The following PDGFC variants were observed in gnomAD, a reference collection of about 807,000 sequenced individuals.
PDGFC encodes the protein platelet derived growth factor C.
In PDGFC, 12 loss-of-function variants were observed where a neutral mutation model predicts 35.5. The ratio of observed to expected loss-of-function variants is 0.34; its 90% CI spans 0.22 to 0.55. PDGFC has a LOEUF of 0.55. PDGFC is among the 20% of genes least tolerant of loss of function. The pLI is 0.91. For synonymous variants in PDGFC, 159 were observed against 148.8 expected, an observed-to-expected ratio of 1.07 and a Z score of -0.50; for missense variants, 322 against 412.4, an observed-to-expected ratio of 0.78 and a Z score of 1.90.
At chr4:156,954,240 T>G (rs1008949043) in intron 1 of PDGFC, among the ~76,000 whole-genome samples, 1 of 151,992 alleles carries the variant, frequency 6.6e-6, no homozygotes, top group African/African-American at 2.4e-5. Context: ...ATGCCAGAAC[T>G]AAGGACTATT....
intron 1 of PDGFC, among the ~76,000 whole-genome samples, chr4:156,957,562 GGGAT>G (rs1257455223): frequency 6.6e-6 from 1 of 151,692 alleles, no homozygotes; most frequent in Non-Finnish European, 1.5e-5. Context: ...TCCTCTTCAG[GGGAT>G]TTCTTCCTGT....
At chr4:156,883,421 T>A (rs1730294864) in intron 1 of PDGFC, among the ~76,000 whole-genome samples, 1 of 152,198 alleles carries the variant, frequency 6.6e-6, no homozygotes, top group African/African-American at 2.4e-5. Flanking sequence ...AGTGTACAAC[T>A]CATCACAGCC....
At chr4:156,798,439 CAGTGAATGGCA>C (rs914331714) in intron 3 of PDGFC, among the ~76,000 whole-genome samples, 30 of 152,102 alleles carry the variant, frequency 2.0e-4, no homozygotes, top group African/African-American at 7.0e-4. Flanking sequence ...GTAGAGGAAA[CAGTGAATGGCA>C]AGTGAACCTC....
intron 2 of PDGFC, among the ~76,000 whole-genome samples, chr4:156,837,407 T>G (rs1045243609): frequency 2.0e-5 from 3 of 152,080 alleles, no homozygotes; most frequent in Non-Finnish European, 4.4e-5. Flanking sequence ...CTAATTTGTG[T>G]TCTATTGCCA....
chr4:156,897,493 C>T (rs771376001), intron 1 of PDGFC, among the ~76,000 whole-genome samples: 4 of 152,004 alleles, frequency 2.6e-5, no homozygotes, highest in Non-Finnish European at 5.9e-5. Flanking sequence ...TCATGTGATT[C>T]TTTGCTCACA....
chr4:156,766,575 C>G (rs1730535636), intron 5 of PDGFC, among the ~76,000 whole-genome samples: 1 of 152,170 alleles, frequency 6.6e-6, no homozygotes, highest in Admixed American at 6.6e-5. Context: ...CAATGAAAAT[C>G]TGCCCTTCTG....
At chr4:156,954,271 T>C (rs1732152021) in intron 1 of PDGFC, among the ~76,000 whole-genome samples, 1 of 151,984 alleles carries the variant, frequency 6.6e-6, no homozygotes, top group Middle Eastern at 3.4e-3. Context: ...CATAATCTCA[T>C]AGGATCAGAG....
At chr4:156,877,668 T>C (rs1730146746) in intron 1 of PDGFC, among the ~76,000 whole-genome samples, 1 of 152,150 alleles carries the variant, frequency 6.6e-6, no homozygotes, top group Non-Finnish European at 1.5e-5. Context: ...AAGCAAAATA[T>C]ACTACTTTAC....
intron 1 of PDGFC, among the ~76,000 whole-genome samples, chr4:156,872,936 T>C (rs1730021360): frequency 6.6e-6 from 1 of 152,094 alleles, no homozygotes; most frequent in Admixed American, 6.6e-5. Context: ...TCAAGACCAG[T>C]CTGGGCAACA....
At chr4:156,902,479 C>G (rs1421559631) in intron 1 of PDGFC, among the ~76,000 whole-genome samples, 2 of 152,132 alleles carry the variant, frequency 1.3e-5, no homozygotes, top group African/African-American at 4.8e-5. Flanking sequence ...TATGTTAACT[C>G]TAACATGTGT....
intron 4 of PDGFC, chr4:156,770,193 CA>C (rs1490527285): frequency 2.0e-5 from 3 of 151,882 alleles, no homozygotes; most frequent in Non-Finnish European, 4.4e-5. Context: ...ACACAAAAGT[CA>C]AAAGCCCTTT....
intron 1 of PDGFC, among the ~76,000 whole-genome samples, chr4:156,920,887 A>G (rs1731259944): frequency 1.3e-5 from 2 of 152,192 alleles, no homozygotes; most frequent in Non-Finnish European, 2.9e-5. Context: ...GGTAGGCTGG[A>G]GTGTAGTTGT....
At chr4:156,847,977 A>T (rs1729365928) in intron 2 of PDGFC, among the ~76,000 whole-genome samples, 1 of 151,786 alleles carries the variant, frequency 6.6e-6, no homozygotes, top group Admixed American at 6.6e-5. Flanking sequence ...ATGACTATTC[A>T]ATAAATGATG....
At chr4:156,785,490 G>A (rs928189010) in intron 3 of PDGFC, among the ~76,000 whole-genome samples, 15 of 152,012 alleles carry the variant, frequency 9.9e-5, no homozygotes, top group African/African-American at 3.4e-4. Flanking sequence ...CTGGGATTAC[G>A]GATGTGAGCC....
chr4:156,778,189 G>C (rs1458501905), intron 3 of PDGFC: 2 of 391,096 alleles, frequency 5.1e-6, no homozygotes, highest in South Asian at 1.9e-5. Flanking sequence ...CAAAACAAGA[G>C]AAAATGCTTG....
chr4:156,917,910 A>G (rs1268026919), intron 1 of PDGFC, among the ~76,000 whole-genome samples: 1 of 152,172 alleles, frequency 6.6e-6, no homozygotes, highest in Non-Finnish European at 1.5e-5. Flanking sequence ...CATTCAGGAG[A>G]CATTTTAATT....
chr4:156,931,446 T>G (rs1008139672), intron 1 of PDGFC, among the ~76,000 whole-genome samples: 2 of 152,198 alleles, frequency 1.3e-5, no homozygotes, highest in Non-Finnish European at 2.9e-5. Context: ...TTGCATGTGC[T>G]TTGGAACACT....
chr4:156,789,460 A>T (rs912222460), intron 3 of PDGFC, among the ~76,000 whole-genome samples: 3 of 152,182 alleles, frequency 2.0e-5, no homozygotes, highest in Non-Finnish European at 4.4e-5. Context: ...ACTGGGTGTA[A>T]CTACAAAATA....
chr4:156,853,597 TGTATCTCCTAAGAATACAGAA>T (rs1243357022), intron 1 of PDGFC, among the ~76,000 whole-genome samples: 1 of 152,172 alleles, frequency 6.6e-6, no homozygotes, highest in Non-Finnish European at 1.5e-5. Context: ...TTAGCACCAG[TGTATCTCCTAAGAATACAGAA>T]GGAACTATAA....
Sources: gnomAD v4.1 joint callset for allele counts (sites outside exome capture counted in the v4.1 genomes callset) on GRCh38, gnomAD v4.1.1 for gene constraint, MANE v1.5 for transcripts, NCBI Gene and HGNC (gene_info 2026-07-23, HGNC 2026-07-21) for gene names.